ATAD1: variants seen among roughly 807,000 people sequenced by gnomAD.
ATAD1 encodes the protein ATPase family AAA domain containing 1, also known as outer mitochondrial transmembrane helix translocase.
In ATAD1, 18 loss-of-function variants were observed where a neutral mutation model predicts 42.7. The ratio of observed to expected loss-of-function variants is 0.42; its 90% CI spans 0.29 to 0.63. The LOEUF (loss-of-function observed/expected upper bound fraction) is 0.63. Among genes scored for constraint, ATAD1 ranks in the 20% least tolerant of loss-of-function variants. The pLI is 0.19. For synonymous variants in ATAD1, 132 were observed against 143.1 expected (o/e 0.92, Z 0.55); for missense variants, 294 against 440.4 (o/e 0.67, Z 2.98).
chr10:87,795,778 G>A (rs1362286674), intron 2 of ATAD1, among the ~76,000 whole-genome samples: 2 of 152,090 alleles, frequency 1.3e-5, no homozygotes, highest in Non-Finnish European at 2.9e-5. Context: ...CAGCAGCAAA[G>A]AAAATACTTA....
chr10:87,783,885 C>G (rs1411016205), intron 5 of ATAD1, among the ~76,000 whole-genome samples: 1 of 148,066 alleles, frequency 6.8e-6, no homozygotes, highest in Non-Finnish European at 1.5e-5. Flanking sequence ...GTATAAACCA[C>G]AAAGGAAAAA....
At chr10:87,757,956 T>C (rs1163903304) in intron 8 of ATAD1, among the ~76,000 whole-genome samples, 2 of 152,216 alleles carry the variant, frequency 1.3e-5, no homozygotes, top group African/African-American at 2.4e-5. Flanking sequence ...AGATAAATCA[T>C]GTTTTTTGAT....
chr10:87,832,985 T>G (rs765119174), intron 1 of ATAD1: 2 of 152,172 alleles, frequency 1.3e-5, no homozygotes, highest in Non-Finnish European at 1.5e-5. Flanking sequence ...GGTCACCATA[T>G]TGATGCCAAA....
intron 2 of ATAD1, among the ~76,000 whole-genome samples, chr10:87,798,395 T>C (rs2131976859): frequency 6.6e-6 from 1 of 152,314 alleles, no homozygotes; most frequent in East Asian, 1.9e-4. Context: ...ACATGGTCTT[T>C]GTGCACATTT....
At chr10:87,790,969 AG>A (rs1192485266) in intron 3 of ATAD1, among the ~76,000 whole-genome samples, 2 of 142,384 alleles carry the variant, frequency 1.4e-5, no homozygotes, top group Admixed American at 7.4e-5. Flanking sequence ...GGATCACTTG[AG>A]GTCAGGAGTT....
intron 2 of ATAD1, 76 bp from the exon 3 acceptor site, chr10:87,792,831 G>T: frequency 1.8e-6 from 2 of 1,090,520 alleles, no homozygotes; most frequent in Non-Finnish European, 2.8e-6. Context: ...TATATGTGAA[G>T]TCTAAAGAGC....
intron 1 of ATAD1, among the ~76,000 whole-genome samples, chr10:87,825,131 G>C (rs1447950782): frequency 1.3e-5 from 2 of 152,038 alleles, no homozygotes; most frequent in Non-Finnish European, 2.9e-5. Flanking sequence ...TTTTAAGTTA[G>C]AGGTTTGCCC....
intron 5 of ATAD1, 55 bp from the exon 6 acceptor site, chr10:87,776,482 T>G: frequency 7.0e-7 from 1 of 1,438,440 alleles, no homozygotes. Flanking sequence ...TTTACCCTTT[T>G]TTTTGAGACA....
In ATAD1 at chr10:87,754,605, G is replaced by A; in HGVS notation, c.*82C>T. 2.8e-6 allele frequency: 4 copies of A among 1,452,860 alleles called. No individual in the cohort carries two copies. The highest frequency in any genetic ancestry group is 1.9e-6 in the Non-Finnish European group (2 of 1,077,294). 90.0% of individuals were successfully genotyped at this position (1,452,860 alleles called of 1,614,324 possible). A position where few individuals can be genotyped will look rare whatever the true frequency, so the allele number is the denominator to read the frequency against. On this transcript the variant is annotated 3_prime_UTR_variant, in exon 10 of 10. Transcript: ENST00000680024. Reference sequence around the variant, plus strand: ...ACTGAGCTCCCTCATTGTTTAAAGAGCACTCTTTCCGTTCTATTTCCACTA... The same window carrying A: ...ACTGAGCTCCCTCATTGTTTAAAGAACACTCTTTCCGTTCTATTTCCACTA...
At position 87,754,334 on chromosome 10, in the gene ATAD1, A is replaced by G. The variant is rs1456122787; in HGVS notation, c.*353T>C. 6 of 163,182 alleles carry G rather than the reference A, an allele frequency of 3.7e-5. No homozygotes were observed. The highest frequency in any genetic ancestry group is 8.1e-5 in the Non-Finnish European group (6 of 74,530). 10.1% of individuals were successfully genotyped at this position (163,182 alleles called of 1,614,324 possible). ...CGCACACACACAAACGCATACTCAC[A>G]TGTCTAGGAACCAGCACCTAACCAC... is the stretch of plus-strand genomic sequence containing the variant. On this transcript the variant is annotated 3_prime_UTR_variant, in exon 10 of 10. Coordinates refer to ENST00000680024, the MANE Select transcript of ATAD1 (RefSeq NM_001321967.2).
intron 2 of ATAD1, among the ~76,000 whole-genome samples, chr10:87,812,350 C>A (rs1707093132): frequency 6.6e-6 from 1 of 152,100 alleles, no homozygotes; most frequent in South Asian, 2.1e-4. Flanking sequence ...GATCTTGGCT[C>A]ACTGCAACCT....
chr10:87,828,544 G>A (rs963905598), intron 1 of ATAD1, among the ~76,000 whole-genome samples: 1 of 152,196 alleles, frequency 6.6e-6, no homozygotes, highest in Non-Finnish European at 1.5e-5. Context: ...GTAAGTGCAA[G>A]GTGAAGCAGC....
At chr10:87,783,157 A>T (rs539340592) in intron 5 of ATAD1, among the ~76,000 whole-genome samples, 1 of 152,248 alleles carries the variant, frequency 6.6e-6, no homozygotes, top group South Asian at 2.1e-4. Context: ...GGCAGGGCAG[A>T]TTGCTTGGCC....
At chr10:87,767,051 C>T (rs565944997) in intron 8 of ATAD1, among the ~76,000 whole-genome samples, 4 of 152,040 alleles carry the variant, frequency 2.6e-5, no homozygotes, top group African/African-American at 2.4e-5. Flanking sequence ...TAAAAAACAA[C>T]GACAAAAAAC....
At chr10:87,793,272 T>A (rs1856216323) in intron 2 of ATAD1, among the ~76,000 whole-genome samples, 1 of 152,222 alleles carries the variant, frequency 6.6e-6, no homozygotes, top group Non-Finnish European at 1.5e-5. Context: ...TCTGTTATGC[T>A]GTCCCTTTTA....
At chr10:87,767,810 T>C in intron 7 of ATAD1, 87 bp from the exon 8 acceptor site, 1 of 1,315,094 alleles carries the variant, frequency 7.6e-7, no homozygotes, top group Non-Finnish European at 1.1e-6. Context: ...TTGTCCCTTC[T>C]AAAGTCTCTC....
chr10:87,806,491 A>G (rs12267237), intron 2 of ATAD1, among the ~76,000 whole-genome samples: 2,854 of 152,256 alleles, frequency 0.019, 83 homozygotes, highest in African/African-American at 0.064. Flanking sequence ...TCACAATCCT[A>G]AATTGAAATC....
intron 9 of ATAD1, 118 bp downstream of exon 9, chr10:87,756,671 C>A: frequency 9.6e-7 from 1 of 1,039,708 alleles, no homozygotes; most frequent in South Asian, 2.8e-5. Flanking sequence ...GGGTGATAAT[C>A]CAAATTTACC....
chr10:87,758,073 G>C (rs989902335), intron 8 of ATAD1, among the ~76,000 whole-genome samples: 2 of 152,162 alleles, frequency 1.3e-5, no homozygotes, highest in Admixed American at 6.5e-5. Context: ...ATAAATAGTA[G>C]TAATAATAGT....
Sources: gnomAD v4.1 joint callset for allele counts (sites outside exome capture counted in the v4.1 genomes callset) on GRCh38, gnomAD v4.1.1 for gene constraint, MANE v1.5 for transcripts, NCBI Gene and HGNC (gene_info 2026-07-23, HGNC 2026-07-21) for gene names.